The following PIK3CB variants were observed in gnomAD, a reference collection of about 807,000 sequenced individuals.
The protein encoded by PIK3CB is phosphatidylinositol-4,5-bisphosphate 3-kinase catalytic subunit beta, also known as phosphatidylinositol 4,5-bisphosphate 3-kinase catalytic subunit beta isoform.
PIK3CB carries 39 observed loss-of-function variants against 136.8 expected under a neutral mutation model. The ratio of observed to expected loss-of-function variants is 0.29; its 90% confidence interval spans 0.22 to 0.37. The LOEUF (loss-of-function observed/expected upper bound fraction) is 0.37, where lower values mean the gene tolerates loss of function less well. Ranked by LOEUF, PIK3CB falls within the 10% of genes least tolerant of loss-of-function variation. PIK3CB has a pLI of 1.00. For synonymous variants in PIK3CB, 428 were observed against 436.6 expected (o/e 0.98, Z 0.25); for missense variants, 868 against 1,275.4 (o/e 0.68, Z 4.87).
At chr3:138,780,498 T>C (rs900595304) in intron 2 of PIK3CB, among the ~76,000 whole-genome samples, 6 of 151,876 alleles carry the variant, frequency 4.0e-5, no homozygotes, top group African/African-American at 1.5e-4. Context: ...TTCGATCTCT[T>C]GACCTCGTGA....
At chr3:138,720,050 G>A (rs361060) in intron 8 of PIK3CB, among the ~76,000 whole-genome samples, 87,710 of 152,010 alleles carry the variant, frequency 0.58, 26,107 homozygotes, top group East Asian at 0.98. Context: ...AAAGATACCA[G>A]TAATTGCTTT....
chr3:138,808,352 C>T (rs749159148), intron 1 of PIK3CB, among the ~76,000 whole-genome samples: 3 of 151,944 alleles, frequency 2.0e-5, no homozygotes, highest in Non-Finnish European at 2.9e-5. Flanking sequence ...TTTAGAAGGC[C>T]GGGTGCAGTG....
chr3:138,756,494 CTCTTT>C (rs1039095490), intron 3 of PIK3CB, among the ~76,000 whole-genome samples: 38 of 152,160 alleles, frequency 2.5e-4, no homozygotes, highest in Non-Finnish European at 5.4e-4. Flanking sequence ...TTGTCCTGCA[CTCTTT>C]TCTTTTATCA....
chr3:138,817,661 G>A (rs1933394583), intron 1 of PIK3CB, among the ~76,000 whole-genome samples: 1 of 152,210 alleles, frequency 6.6e-6, no homozygotes, highest in Non-Finnish European at 1.5e-5. Flanking sequence ...ATGCTAGTAG[G>A]CTGATGGCCC....
chr3:138,726,231 A>G (rs2044833368), intron 8 of PIK3CB, among the ~76,000 whole-genome samples: 1 of 152,232 alleles, frequency 6.6e-6, no homozygotes, highest in African/African-American at 2.4e-5. Context: ...ATAAGCTTAT[A>G]AACACAGATA....
chr3:138,669,335 GGA>G (rs1167116018), intron 19 of PIK3CB, among the ~76,000 whole-genome samples: 6 of 139,512 alleles, frequency 4.3e-5, no homozygotes, highest in African/African-American at 1.3e-4. Context: ...CTGAGCCCAA[GGA>G]GTTGAGGTTG....
chr3:138,690,870 C>A (rs978328012), intron 15 of PIK3CB, 130 bp downstream of exon 15: 7 of 656,632 alleles, frequency 1.1e-5, no homozygotes, highest in Non-Finnish European at 1.8e-5. Flanking sequence ...GGAGAAGGCA[C>A]CAAAACCATA....
chr3:138,808,213 T>C (rs945145639), intron 1 of PIK3CB, among the ~76,000 whole-genome samples: 1 of 152,178 alleles, frequency 6.6e-6, no homozygotes, highest in Admixed American at 6.6e-5. Context: ...ATAAAACTTC[T>C]GACGGAACCC....
At chr3:138,696,846 A>G (rs1047237459) in intron 13 of PIK3CB, among the ~76,000 whole-genome samples, 1 of 152,200 alleles carries the variant, frequency 6.6e-6, no homozygotes, top group African/African-American at 2.4e-5. Flanking sequence ...GGGTTTTGAA[A>G]TAGCAGTAAT....
At chr3:138,778,827 G>A (rs2045889535) in intron 2 of PIK3CB, 2 of 202,132 alleles carry the variant, frequency 9.9e-6, no homozygotes, top group Non-Finnish European at 2.0e-5. Context: ...ACCAGCCCCA[G>A]TGAGACCATG....
intron 21 of PIK3CB, 81 bp from the exon 22 acceptor site, chr3:138,657,916 C>T: frequency 3.7e-6 from 5 of 1,364,366 alleles, no homozygotes; most frequent in South Asian, 1.4e-5. Flanking sequence ...TAGTCCTAGA[C>T]CCCCAGGAAC....
chr3:138,785,631 G>C (rs1269575436), intron 2 of PIK3CB, among the ~76,000 whole-genome samples: 2 of 152,030 alleles, frequency 1.3e-5, no homozygotes, highest in Non-Finnish European at 2.9e-5. Flanking sequence ...TGCTCCTTAA[G>C]AGTCATCACC....
chr3:138,660,855 T>C (rs1485165381), intron 21 of PIK3CB, among the ~76,000 whole-genome samples: 1 of 152,252 alleles, frequency 6.6e-6, no homozygotes, highest in African/African-American at 2.4e-5. Context: ...AATCCTTAGC[T>C]GACCATTCAT....
Position 138,705,155 on chromosome 3 carries a change from C to CAAAAAAAAAAAAAAAAAA in PIK3CB, c.1531-680_1531-663dup, listed in dbSNP as rs1312893752. Among the ~76,000 whole-genome samples the CAAAAAAAAAAAAAAAAAA allele has an allele frequency of 2.4e-3, 72 of 29,824 alleles. 9 individuals are homozygous for CAAAAAAAAAAAAAAAAAA. In the East Asian group the frequency reaches 0.026, roughly 11 times the overall value. The allele number at this position is 29,824 out of a possible 152,430, so 19.6% of individuals were successfully genotyped here. On this transcript the variant is annotated intron_variant, in intron 11 of 23. Coordinates refer to ENST00000674063, the MANE Select transcript of PIK3CB (RefSeq NM_006219.3). ...AAGACTCTCCAAGAGATTAGAAAGG[C>CAAAAAAAAAAAAAAAAAA]AAAAAAAAAAAAAAAAAACAAAAAA...
intron 6 of PIK3CB, among the ~76,000 whole-genome samples, chr3:138,735,957 T>TTCTC (rs146566627): frequency 2.0e-5 from 3 of 150,476 alleles, no homozygotes; most frequent in Admixed American, 1.3e-4. Flanking sequence ...ACACTGTATA[T>TTCTC]TCTCTCTCTC....
At position 138,705,192 on chromosome 3, in the gene PIK3CB, A is replaced by AAAAAAAAAAAAAAAAAAAAAAAAAT. The variant is rs1559828803; in HGVS notation, c.1531-700_1531-699insATTTTTTTTTTTTTTTTTTTTTTTT. ...AAAAAAACAAAAAACAAAACAAACA[A>AAAAAAAAAAAAAAAAAAAAAAAAAT]AAAAAAAAACTTATATTTGCAAATA... is the stretch of plus-strand genomic sequence containing the variant. On this transcript the variant is annotated intron_variant, in intron 11 of 23. Coordinates refer to ENST00000674063, the MANE Select transcript of PIK3CB (RefSeq NM_006219.3). 1.4e-5 allele frequency among the ~76,000 whole-genome samples: 2 copies of AAAAAAAAAAAAAAAAAAAAAAAAAT among 138,314 alleles called. 1 individual carries two copies. Among genetic ancestry groups the AAAAAAAAAAAAAAAAAAAAAAAAAT allele is most frequent in the Non-Finnish European group, 3.1e-5 (2 of 65,052 alleles). The allele number at this position is 138,314 out of a possible 152,430, so 90.7% of individuals were successfully genotyped here. A position where few individuals can be genotyped will look rare whatever the true frequency, so the allele number is the denominator to read the frequency against.
chr3:138,776,065 G>A (rs1011281124), intron 2 of PIK3CB, among the ~76,000 whole-genome samples: 7 of 152,106 alleles, frequency 4.6e-5, no homozygotes, highest in Non-Finnish European at 1.0e-4. Context: ...GGGCGTGGTG[G>A]CGTGTGCCTG....
chr3:138,795,551 A>C (rs563470936), intron 2 of PIK3CB, among the ~76,000 whole-genome samples: 12 of 152,262 alleles, frequency 7.9e-5, no homozygotes, highest in African/African-American at 2.9e-4. Context: ...GAATAGCTTG[A>C]AAATGGGAGG....
intron 2 of PIK3CB, among the ~76,000 whole-genome samples, chr3:138,790,594 G>T (rs1175550604): frequency 6.6e-6 from 1 of 150,798 alleles, no homozygotes; most frequent in Admixed American, 6.6e-5. Context: ...CATGAGGTCA[G>T]GAGATTGAGA....
Sources: gnomAD v4.1 joint callset for allele counts (sites outside exome capture counted in the v4.1 genomes callset) on GRCh38, gnomAD v4.1.1 for gene constraint, MANE v1.5 for transcripts, NCBI Gene and HGNC (gene_info 2026-07-23, HGNC 2026-07-21) for gene names.